Variants in ARHGEF10 observed in about 807,000 individuals in gnomAD.
The protein encoded by ARHGEF10 is Rho guanine nucleotide exchange factor (GEF) 10.
In ARHGEF10, 140 loss-of-function variants were observed where a neutral mutation model predicts 147.4. That is an observed-to-expected ratio of 0.95 (90% CI 0.83 to 1.09). The LOEUF is 1.09. Among genes scored for constraint, ARHGEF10 ranks in the 50% least tolerant of loss-of-function variants. ARHGEF10 has a pLI of 0.00. For synonymous variants in ARHGEF10, 902 were observed against 695.8 expected (o/e 1.30, Z -4.67); for missense variants, 2,222 against 1,752.7 (o/e 1.27, Z -4.78).
intron 1 of ARHGEF10, among the ~76,000 whole-genome samples, chr8:1,837,584 C>G (rs768901240): frequency 3.3e-5 from 5 of 152,172 alleles, no homozygotes; most frequent in Non-Finnish European, 5.9e-5. Context: ...CACACAAAGC[C>G]ACGTGGCTGT....
intron 27 of ARHGEF10, among the ~76,000 whole-genome samples, chr8:1,947,784 T>G (rs753755392): frequency 1.3e-4 from 13 of 99,874 alleles, no homozygotes; most frequent in Non-Finnish European, 2.0e-4. Context: ...GTCAGCTGCC[T>G]CTCCCGCCCG....
intron 25 of ARHGEF10, 139 bp from the exon 26 acceptor site, chr8:1,933,661 A>G: frequency 3.5e-6 from 4 of 1,148,446 alleles, no homozygotes; most frequent in Non-Finnish European, 5.1e-6. Flanking sequence ...ATCCCCAGAC[A>G]CAGCCAGGAT....
chr8:1,850,734 A>G (rs530569830), intron 2 of ARHGEF10, among the ~76,000 whole-genome samples: 1 of 152,328 alleles, frequency 6.6e-6, no homozygotes, highest in Admixed American at 6.5e-5. Flanking sequence ...TGTCCACTCA[A>G]TACCTGCCCA....
At chr8:1,955,821 C>CA (rs1455025807) in intron 28 of ARHGEF10, among the ~76,000 whole-genome samples, 3 of 152,274 alleles carry the variant, frequency 2.0e-5, no homozygotes, top group African/African-American at 7.2e-5. Context: ...GGGGCTTGCC[C>CA]AGGGGCAGCA....
At chr8:1,898,764 T>TG (rs1489515895) in intron 15 of ARHGEF10, among the ~76,000 whole-genome samples, 1 of 151,996 alleles carries the variant, frequency 6.6e-6, no homozygotes, top group Admixed American at 6.5e-5. Context: ...ACAGAGGGGA[T>TG]GGGCTGCGGG....
At chr8:1,840,296 A>T in intron 1 of ARHGEF10, among the ~76,000 whole-genome samples, 1 of 132,114 alleles carries the variant, frequency 7.6e-6, no homozygotes, top group Non-Finnish European at 1.6e-5. Context: ...CCTGTGTGGA[A>T]GCTGTCTGGT....
chr8:1,848,649 T>C (rs1339231347), intron 2 of ARHGEF10, among the ~76,000 whole-genome samples: 1 of 152,172 alleles, frequency 6.6e-6, no homozygotes, highest in Non-Finnish European at 1.5e-5. Context: ...ATTAAAAAAA[T>C]TACAATGCAT....
At chr8:1,879,366 A>G (rs1360599195) in intron 8 of ARHGEF10, among the ~76,000 whole-genome samples, 1 of 152,158 alleles carries the variant, frequency 6.6e-6, no homozygotes, top group Non-Finnish European at 1.5e-5. Context: ...TTGGATGCCA[A>G]CATAAAAAAT....
At chr8:1,902,939 G>C (rs940782622) in intron 15 of ARHGEF10, among the ~76,000 whole-genome samples, 2 of 152,204 alleles carry the variant, frequency 1.3e-5, no homozygotes, top group African/African-American at 2.4e-5. Flanking sequence ...CTGTGCATGG[G>C]TTCATCTGTC....
At chr8:1,920,177 G>T (rs749618069) in intron 18 of ARHGEF10, among the ~76,000 whole-genome samples, 2 of 152,066 alleles carry the variant, frequency 1.3e-5, no homozygotes, top group African/African-American at 4.8e-5. Context: ...AGATGTTCAC[G>T]TGCATTTATA....
chr8:1,879,941 G>T (rs1412287408), intron 8 of ARHGEF10, 107 bp from the exon 9 acceptor site: 2 of 827,536 alleles, frequency 2.4e-6, no homozygotes, highest in Non-Finnish European at 4.3e-6. Context: ...GCCAGGACAG[G>T]CCTGATGTGC....
chr8:1,923,878 A>G lies in ARHGEF10; in HGVS notation c.2488+4A>G. Reference sequence around the variant, plus strand: ...CAGATGGCCAAGCTCGCCCTAGGTAAGGCCTGGCTGGCTGAGGCTGAATGA... The same window carrying G: ...CAGATGGCCAAGCTCGCCCTAGGTAGGGCCTGGCTGGCTGAGGCTGAATGA... On this transcript the variant is annotated splice_donor_region_variant and intron_variant, in intron 21 of 28. Transcript: ENST00000349830. 1 of 1,613,884 alleles carries G rather than the reference A, an allele frequency of 6.2e-7. No individual in the cohort carries two copies. The highest frequency in any genetic ancestry group is 8.5e-7 in the Non-Finnish European group (1 of 1,179,786).
intron 8 of ARHGEF10, among the ~76,000 whole-genome samples, chr8:1,878,234 G>T (rs1352245455): frequency 1.3e-5 from 2 of 152,054 alleles, no homozygotes; most frequent in African/African-American, 4.8e-5. Context: ...CTGTCGCTCA[G>T]GCTGAAGTAC....
intron 6 of ARHGEF10, among the ~76,000 whole-genome samples, 184 bp from the exon 7 acceptor site, chr8:1,869,010 T>TA (rs1806855681): frequency 6.6e-6 from 1 of 152,104 alleles, no homozygotes; most frequent in Non-Finnish European, 1.5e-5. Flanking sequence ...TTAGCTACCT[T>TA]ACAGCCCTCA....
chr8:1,907,011 C>T (rs1810947704), intron 17 of ARHGEF10, among the ~76,000 whole-genome samples: 1 of 152,262 alleles, frequency 6.6e-6, no homozygotes, highest in African/African-American at 2.4e-5. Flanking sequence ...GCGACAGCCG[C>T]AGGCCACCTG....
Position 1,910,645 on chromosome 8 carries a change from A to G in ARHGEF10, c.2143+1175A>G, listed in dbSNP as rs1251548944. On this transcript the variant is annotated intron_variant, in intron 18 of 28. Transcript: ENST00000349830. ...AGGGAGAGGGGACATGGGGACAGAGAAATCATTTCTGACATGATTCATTAA... is the reference window on the plus strand; with the variant it reads ...AGGGAGAGGGGACATGGGGACAGAGGAATCATTTCTGACATGATTCATTAA... Among the ~76,000 whole-genome samples, 6 of 152,178 alleles carry G rather than the reference A, an allele frequency of 3.9e-5. No individual in the cohort carries two copies. The East Asian group carries it at 1.2e-3, about 29-fold the overall frequency.
At chr8:1,848,050 G>A (rs150892107) in intron 2 of ARHGEF10, among the ~76,000 whole-genome samples, 141 of 152,344 alleles carry the variant, frequency 9.3e-4, no homozygotes, top group African/African-American at 3.1e-3. Flanking sequence ...CTGGCGGCCA[G>A]TTCTCTCCCA....
At chr8:1,925,433 G>A (rs199871562) in intron 22 of ARHGEF10, 29 bp downstream of exon 22, 217 of 1,612,868 alleles carry the variant, frequency 1.3e-4, no homozygotes, top group Middle Eastern at 1.8e-4. Flanking sequence ...CGCGGCCCGG[G>A]GTGGGACGCA....
intron 18 of ARHGEF10, among the ~76,000 whole-genome samples, chr8:1,910,784 A>C (rs2129185651): frequency 6.6e-6 from 1 of 152,348 alleles, no homozygotes; most frequent in South Asian, 2.1e-4. Flanking sequence ...GTGAACAAAA[A>C]CACCTTCATG....
Sources: allele counts gnomAD v4.1 joint callset (sites outside exome capture counted in the v4.1 genomes callset), GRCh38; gene constraint gnomAD v4.1.1; transcripts MANE v1.5; gene names NCBI Gene and HGNC (gene_info 2026-07-23, HGNC 2026-07-21).